Variants in PNLDC1 observed in about 807,000 individuals in gnomAD.
The protein encoded by PNLDC1 is PARN like ribonuclease domain containing exonuclease 1.
In PNLDC1, 70 loss-of-function variants were observed where a neutral mutation model predicts 82.0. The observed-to-expected ratio is 0.85, with a 90% CI of 0.70 to 1.04. PNLDC1 has a LOEUF of 1.04. PNLDC1 is among the 50% of genes least tolerant of loss of function. The probability of loss-of-function intolerance (pLI) is 0.00; values close to 1 mark genes in which losing one functional copy is unlikely to be tolerated. For missense variants in PNLDC1, 631 were observed against 661.1 expected, an observed-to-expected ratio of 0.95 and a Z score of 0.50; for synonymous variants, 280 against 249.3, an observed-to-expected ratio of 1.12 and a Z score of -1.16.
chr6:159,800,435 C>G, intron 1 of PNLDC1, 52 bp downstream of exon 1: 2 of 1,522,598 alleles, frequency 1.3e-6, no homozygotes, highest in East Asian at 2.5e-5. Context: ...TTGCCCCGGG[C>G]GAGCTTGAGG....
intron 1 of PNLDC1, 87 bp downstream of exon 1, chr6:159,800,470 G>C (rs1288444245): frequency 1.4e-6 from 2 of 1,442,016 alleles, no homozygotes; most frequent in Non-Finnish European, 1.9e-6. Context: ...CGGTTGCCAG[G>C]CCACAGGGCC....
intron 10 of PNLDC1, among the ~76,000 whole-genome samples, chr6:159,811,062 G>A (rs1433118742): frequency 1.3e-5 from 2 of 152,218 alleles, no homozygotes; most frequent in African/African-American, 4.8e-5. Context: ...CCTCTCAGCC[G>A]GTGGGAGGTC....
At chr6:159,803,190 T>A in intron 3 of PNLDC1, 81 bp from the exon 4 acceptor site, 1 of 1,341,166 alleles carries the variant, frequency 7.5e-7, no homozygotes. Context: ...CGCAAAGTAC[T>A]GTTTGAGTTG....
In PNLDC1 at chr6:159,819,000, G is replaced by C. The variant is rs201062377; in HGVS notation, c.1312G>C (p.Val438Leu). ...SIRPPILILS[V>L]KRWPGVSEQQ... ...CCGACCTCCCATCCTCATCCTCAGCGTCAAAAGGTGGCCTGGGGTCAGCGA... is the reference window on the plus strand; with the variant it reads ...CCGACCTCCCATCCTCATCCTCAGCCTCAAAAGGTGGCCTGGGGTCAGCGA... The change falls in exon 17 of 19, where the codon GTC (valine) becomes CTC (leucine). Residue 438 changes from valine (V) to leucine (L), a missense_variant. Val to Leu is a conservative substitution (Grantham distance 32). Coordinates refer to ENST00000392167, the MANE Select transcript of PNLDC1 (RefSeq NM_001271862.2). 4 of 1,614,010 alleles carry C rather than the reference G, an allele frequency of 2.5e-6. No homozygotes were observed. The highest frequency in any genetic ancestry group is 3.3e-5 in the Admixed American group (2 of 60,016).
At chr6:159,816,234 G>C (rs1298043020) in intron 13 of PNLDC1, among the ~76,000 whole-genome samples, 1 of 80,298 alleles carries the variant, frequency 1.2e-5, no homozygotes, top group Non-Finnish European at 2.7e-5. Context: ...GGTTTGTGTG[G>C]GGTTTTCCTT....
intron 3 of PNLDC1, 126 bp downstream of exon 3, chr6:159,801,312 T>C (rs925563572): frequency 2.2e-6 from 2 of 926,722 alleles, no homozygotes; most frequent in Non-Finnish European, 3.5e-6. Flanking sequence ...GCTTGTTTTG[T>C]GTTGGGCCAT....
chr6:159,800,995 TA>T, intron 2 of PNLDC1, 117 bp from the exon 3 acceptor site: 1 of 1,448,970 alleles, frequency 6.9e-7, no homozygotes, highest in Non-Finnish European at 9.7e-7. Flanking sequence ...TAGTGCTCCC[TA>T]GTTGTTGTAA....
intron 1 of PNLDC1, 123 bp from the exon 2 acceptor site, chr6:159,800,649 C>G: frequency 6.3e-7 from 1 of 1,581,442 alleles, no homozygotes; most frequent in Non-Finnish European, 8.6e-7. Flanking sequence ...CCCTTCCTGA[C>G]CTCACTTGGC....
intron 12 of PNLDC1, among the ~76,000 whole-genome samples, chr6:159,814,158 A>G (rs1781739013): frequency 6.6e-6 from 1 of 151,946 alleles, no homozygotes; most frequent in East Asian, 1.9e-4. Flanking sequence ...TCCTCAGCCC[A>G]CGGCAGGCAG....
chr6:159,818,706 G>T, intron 16 of PNLDC1, 52 bp downstream of exon 16: 1 of 1,543,366 alleles, frequency 6.5e-7, no homozygotes, highest in Non-Finnish European at 8.9e-7. Flanking sequence ...CAGAGGCTTT[G>T]CTGGGAAGCG....
chr6:159,812,003 G>A (rs1013609009), intron 11 of PNLDC1, among the ~76,000 whole-genome samples: 1 of 151,990 alleles, frequency 6.6e-6, no homozygotes, highest in African/African-American at 2.4e-5. Flanking sequence ...TTGTTCAAGC[G>A]ATTCTCCTGC....
intron 11 of PNLDC1, among the ~76,000 whole-genome samples, chr6:159,812,191 C>T (rs770336687): frequency 5.3e-5 from 8 of 152,296 alleles, no homozygotes; most frequent in African/African-American, 7.2e-5. Flanking sequence ...TGAGCCACTG[C>T]GCCCGGCCTG....
chr6:159,810,269 CA>C (rs1781603257), intron 10 of PNLDC1, among the ~76,000 whole-genome samples, 174 bp downstream of exon 10: 1 of 152,170 alleles, frequency 6.6e-6, no homozygotes, highest in South Asian at 2.1e-4. Flanking sequence ...ACTGTCTCCC[CA>C]GAGTGGAAAA....
At position 159,818,997 on chromosome 6, in the gene PNLDC1, A is replaced by G. The variant is rs140022854; in HGVS notation, c.1309A>G (p.Ser437Gly). The G allele has an allele frequency of 1.9e-6, 3 of 1,614,016 alleles. No individual in the cohort carries two copies. The highest frequency in any genetic ancestry group is 3.3e-5 in the Admixed American group (2 of 60,002). ...PSIRPPILIL[S>G]VKRWPGVSEQ... ...TATCCGACCTCCCATCCTCATCCTC[A>G]GCGTCAAAAGGTGGCCTGGGGTCAG... The change falls in exon 17 of 19, where the codon AGC becomes GGC. Residue 437 changes from serine (S) to glycine (G), a missense_variant. Coordinates refer to ENST00000392167, the MANE Select transcript of PNLDC1 (RefSeq NM_001271862.2).
Position 159,815,536 on chromosome 6 carries a change from T to C in PNLDC1, c.996-433T>C, listed in dbSNP as rs118040140. ...CCGTCTCCCCATTCCTTGAACTCCATTGGATCATGTGGTTTGGGACTCTCC... is the reference window on the plus strand; with the variant it reads ...CCGTCTCCCCATTCCTTGAACTCCACTGGATCATGTGGTTTGGGACTCTCC... On this transcript the variant is annotated intron_variant, in intron 12 of 18. Transcript: ENST00000392167. Among the ~76,000 whole-genome samples the C allele has an allele frequency of 1.2e-4, 18 of 152,294 alleles. No homozygotes were observed. In the East Asian group the frequency reaches 2.9e-3, roughly 24 times the overall value.
chr6:159,806,401 C>T (rs189602647), intron 7 of PNLDC1, among the ~76,000 whole-genome samples: 1 of 152,190 alleles, frequency 6.6e-6, no homozygotes, highest in Non-Finnish European at 1.5e-5. Context: ...GCTTTTCCCC[C>T]AGCATGTGGT....
intron 16 of PNLDC1, 131 bp from the exon 17 acceptor site, chr6:159,818,815 G>T: frequency 8.1e-7 from 1 of 1,227,202 alleles, no homozygotes; most frequent in East Asian, 2.4e-5. Context: ...AAGCCAACAT[G>T]GACTCATCCT....
At chr6:159,805,755 A>G (rs1583169089) in intron 6 of PNLDC1, 1 of 512,074 alleles carries the variant, frequency 2.0e-6, no homozygotes, top group East Asian at 3.5e-5. Flanking sequence ...GCAGGAGGGG[A>G]TTGAATATAT....
chr6:159,803,142 A>G (rs1464221702), intron 3 of PNLDC1, 129 bp from the exon 4 acceptor site: 5 of 686,694 alleles, frequency 7.3e-6, no homozygotes, highest in Non-Finnish European at 1.2e-5. Flanking sequence ...GTCATTAAAG[A>G]TGTTATCCTG....
Sources: allele counts gnomAD v4.1 joint callset (sites outside exome capture counted in the v4.1 genomes callset), GRCh38; gene constraint gnomAD v4.1.1; transcripts MANE v1.5; gene names NCBI Gene and HGNC (gene_info 2026-07-23, HGNC 2026-07-21).